NFAM1: variants seen among roughly 807,000 people sequenced by gnomAD.
NFAM1 encodes NFAT activating protein with ITAM motif 1.
NFAM1 carries 17 observed loss-of-function variants against 29.0 expected under a neutral mutation model. That is an observed-to-expected ratio of 0.59 (90% CI 0.40 to 0.88). The LOEUF is 0.88. NFAM1 is among the 40% of genes least tolerant of loss of function. NFAM1 has a pLI of 0.00. For missense variants in NFAM1, 324 were observed against 344.6 expected (o/e 0.94, Z 0.47); for synonymous variants, 175 against 147.2 (o/e 1.19, Z -1.36).
intron 1 of NFAM1, among the ~76,000 whole-genome samples, chr22:42,413,246 T>C (rs966478938): frequency 2.0e-5 from 3 of 152,110 alleles, no homozygotes; most frequent in African/African-American, 7.2e-5. Context: ...ATTTATTTTA[T>C]TGGGGAAAGA....
intron 3 of NFAM1, among the ~76,000 whole-genome samples, chr22:42,401,902 C>T (rs1929737392): frequency 6.6e-6 from 1 of 152,240 alleles, no homozygotes; most frequent in African/African-American, 2.4e-5. Context: ...GCCCACCTCA[C>T]ATCCTGGCCA....
At position 42,405,827 on chromosome 22, in the gene NFAM1, G is replaced by T. The variant is rs1263562261; in HGVS notation, c.564+3608C>A. ...CATTAACAGGGCAAGGTCAAAGTAGGACCATTCGCGCCAGTGTCAGACCCA... is the reference window on the plus strand; with the variant it reads ...CATTAACAGGGCAAGGTCAAAGTAGTACCATTCGCGCCAGTGTCAGACCCA... On this transcript the variant is annotated intron_variant, in intron 3 of 5. Coordinates refer to ENST00000329021, the MANE Select transcript of NFAM1 (RefSeq NM_145912.8). Among the ~76,000 whole-genome samples the T allele has an allele frequency of 2.0e-5, 3 of 152,304 alleles. No individual in the cohort carries two copies. The East Asian group carries it at 5.8e-4, about 29-fold the overall frequency.
At chr22:42,417,667 C>A (rs946697358) in intron 1 of NFAM1, among the ~76,000 whole-genome samples, 1 of 152,138 alleles carries the variant, frequency 6.6e-6, no homozygotes, top group African/African-American at 2.4e-5. Context: ...TCCTGCCTGG[C>A]CTGCCCTGCT....
At chr22:42,390,554 CCCCTGTAAT>C (rs1413627191) in intron 4 of NFAM1, among the ~76,000 whole-genome samples, 1 of 152,036 alleles carries the variant, frequency 6.6e-6, no homozygotes, top group African/African-American at 2.4e-5. Flanking sequence ...TGGTGGCTCA[CCCCTGTAAT>C]CCCAGCACTT....
At position 42,432,075 on chromosome 22, in the gene NFAM1, C is replaced by G. The variant is rs186811745; in HGVS notation, c.121+162G>C. On this transcript the variant is annotated intron_variant, in intron 1 of 5. Transcript: ENST00000329021. ...TGGCAAGGCATTAGCTAAACATCTT[C>G]TCGGTCCCAGAAGGCTTCCCCTGTG... Among the ~76,000 whole-genome samples the G allele has an allele frequency of 6.9e-3, 1,058 of 152,368 alleles. 6 individuals carry two copies. Among genetic ancestry groups the G allele is most frequent in the Non-Finnish European group, 0.011 (748 of 68,040 alleles).
intron 4 of NFAM1, among the ~76,000 whole-genome samples, chr22:42,395,242 G>A (rs1408926115): frequency 1.3e-5 from 2 of 151,996 alleles, no homozygotes; most frequent in African/African-American, 2.4e-5. Flanking sequence ...AGGAGGCCGA[G>A]GCGGGTGGAT....
chr22:42,420,401 G>T (rs989007568), intron 1 of NFAM1, among the ~76,000 whole-genome samples: 1 of 152,148 alleles, frequency 6.6e-6, no homozygotes, highest in Admixed American at 6.5e-5. Flanking sequence ...GAGCCTGGGA[G>T]TTCGAAGCTG....
chr22:42,436,619 C>T (rs545048895), upstream of NFAM1, among the ~76,000 whole-genome samples: 80 of 152,320 alleles, frequency 5.3e-4, no homozygotes, highest in African/African-American at 1.8e-3. Context: ...CTCCAGAATC[C>T]CCTCTCAGTT....
intron 5 of NFAM1, among the ~76,000 whole-genome samples, chr22:42,386,348 T>C (rs1929138447): frequency 6.6e-6 from 1 of 151,330 alleles, no homozygotes; most frequent in Admixed American, 6.6e-5. Flanking sequence ...CACTCTGGCC[T>C]GGGTGATGGA....
rs1470986692 is a variant in NFAM1 at position 42,380,535 on chromosome 22, G to A, written c.*4626C>T. 1 of 152,564 alleles carries A rather than the reference G, an allele frequency of 6.6e-6. No homozygotes were observed. The highest frequency in any genetic ancestry group is 1.5e-5 in the Non-Finnish European group (1 of 68,038). 9.5% of individuals were successfully genotyped at this position (152,564 alleles called of 1,614,324 possible). ...GAGAGTCTGGCCTGACCCGCGCTCA[G>A]TCAAGGCTGAGGCCATCATTCTGAC... On this transcript the variant is annotated 3_prime_UTR_variant, in exon 6 of 6. Coordinates refer to ENST00000329021, the MANE Select transcript of NFAM1 (RefSeq NM_145912.8).
intron 1 of NFAM1, among the ~76,000 whole-genome samples, chr22:42,424,307 C>T (rs767460768): frequency 2.2e-4 from 34 of 151,794 alleles, no homozygotes; most frequent in South Asian, 4.2e-4. Context: ...CCCAGCTACT[C>T]GGGAGGCTGA....
At chr22:42,389,193 C>A (rs1275058213) in intron 4 of NFAM1, among the ~76,000 whole-genome samples, 4 of 152,186 alleles carry the variant, frequency 2.6e-5, no homozygotes, top group Non-Finnish European at 5.9e-5. Context: ...GCCGGGCTGC[C>A]CAGAACACAT....
chr22:42,409,476 C>T lies in NFAM1; in HGVS notation c.523G>A (p.Val175Ile), dbSNP rs2147106897. ...AGGGCCGTGCCCACTACACTCAGGA[C>T]ACTCAGGAGGCCGGTGAAGCCAAAG... ...LLFGFTGLLS[V>I]LSVVGTALLL... Residue 175 changes from valine to isoleucine, a missense_variant, in exon 3 of 6, where the codon GTC becomes ATC. Transcript: ENST00000329021. The surrounding 1 kb of genome is among the most constrained non-coding windows in gnomAD (Gnocchi z 4.9). The T allele has an allele frequency of 6.4e-7, 1 of 1,568,272 alleles. No homozygotes were observed. Among genetic ancestry groups the T allele is most frequent in the Non-Finnish European group, 8.7e-7 (1 of 1,156,066 alleles).
chr22:42,397,635 T>G (rs934634766), intron 4 of NFAM1, among the ~76,000 whole-genome samples: 1 of 152,218 alleles, frequency 6.6e-6, no homozygotes, highest in Admixed American at 6.5e-5. Flanking sequence ...GGGGGGCACC[T>G]GACATTCGTA....
At position 42,419,978 on chromosome 22, in the gene NFAM1, A is replaced by C. The variant is rs1930379678; in HGVS notation, c.122-8242T>G. Among the ~76,000 whole-genome samples the C allele has an allele frequency of 1.5e-5, 2 of 134,042 alleles. No homozygotes were observed. Among genetic ancestry groups the C allele is most frequent in the African/African-American group, 2.8e-5 (1 of 36,202 alleles). The allele number at this position is 134,042 out of a possible 152,430, so 87.9% of individuals were successfully genotyped here. ...TAAGCTGGGTCCCTTTGAGTCTGTA[A>C]TCCCACTCTTGGTTTTTTTTTTTTT... On this transcript the variant is annotated intron_variant, in intron 1 of 5. Coordinates refer to ENST00000329021, the MANE Select transcript of NFAM1 (RefSeq NM_145912.8). The surrounding 1 kb of genome is among the most constrained non-coding windows in gnomAD (Gnocchi z 4.5).
intron 4 of NFAM1, among the ~76,000 whole-genome samples, chr22:42,391,312 G>T (rs1929333441): frequency 7.1e-6 from 1 of 140,566 alleles, no homozygotes; most frequent in Non-Finnish European, 1.5e-5. Flanking sequence ...GGCTTACCAG[G>T]ATCATTGGCT....
At chr22:42,386,715 A>G (rs1929158075) in intron 5 of NFAM1, among the ~76,000 whole-genome samples, 1 of 152,206 alleles carries the variant, frequency 6.6e-6, no homozygotes, top group Non-Finnish European at 1.5e-5. Flanking sequence ...AACATCTATG[A>G]GGTGGGTACT....
rs545528036 is a variant in NFAM1 at position 42,401,119 on chromosome 22, G to C, written c.565-3163C>G. On this transcript the variant is annotated intron_variant, in intron 3 of 5. Transcript: ENST00000329021. ...GTTGCCAGAGAAGTGAGTGCCACTG[G>C]GGATCCCAAGAAGGGGCCCCAAGTC... Among the ~76,000 whole-genome samples the C allele has an allele frequency of 7.9e-5, 12 of 152,306 alleles. 1 individual carries two copies. The highest frequency in any genetic ancestry group is 1.3e-4 in the Admixed American group (2 of 15,298).
intron 1 of NFAM1, among the ~76,000 whole-genome samples, chr22:42,414,149 C>T (rs778507491): frequency 9.9e-5 from 15 of 152,130 alleles, no homozygotes; most frequent in Non-Finnish European, 1.6e-4. Flanking sequence ...ACTCACATGT[C>T]GGCAGTCACA....
Sources: allele counts gnomAD v4.1 joint callset (sites outside exome capture counted in the v4.1 genomes callset), GRCh38; gene constraint gnomAD v4.1.1; non-coding constraint Gnocchi (gnomAD v3.1); transcripts MANE v1.5; gene names NCBI Gene and HGNC (gene_info 2026-07-23, HGNC 2026-07-21).